SEMA3E: variants seen among roughly 807,000 people sequenced by gnomAD.
SEMA3E encodes the protein semaphorin-3E.
In SEMA3E, 49 loss-of-function variants were observed where a neutral mutation model predicts 93.6. That is an observed-to-expected ratio of 0.52 (90% CI 0.42 to 0.66). The LOEUF (loss-of-function observed/expected upper bound fraction) is 0.66, where lower values mean the gene tolerates loss of function less well. SEMA3E is among the 30% of genes least tolerant of loss of function. The probability of loss-of-function intolerance (pLI) is 0.00; values close to 1 mark genes in which losing one functional copy is unlikely to be tolerated. For missense variants in SEMA3E, 906 were observed against 964.8 expected (o/e 0.94, Z 0.81); for synonymous variants, 363 against 330.7 (o/e 1.10, Z -1.06).
chr7:83,433,639 A>G (rs550562004), intron 4 of SEMA3E, among the ~76,000 whole-genome samples: 3 of 152,274 alleles, frequency 2.0e-5, no homozygotes, highest in Admixed American at 6.5e-5. Context: ...ATATTAGTAC[A>G]TTCTGTGTTC....
At chr7:83,629,972 C>T (rs985984565) in intron 1 of SEMA3E, among the ~76,000 whole-genome samples, 1 of 152,190 alleles carries the variant, frequency 6.6e-6, no homozygotes, top group African/African-American at 2.4e-5. Flanking sequence ...GTGGGAAAAG[C>T]ATAGTATCTG....
chr7:83,382,613 C>T (rs1413764567), intron 16 of SEMA3E, among the ~76,000 whole-genome samples: 1 of 151,604 alleles, frequency 6.6e-6, no homozygotes, highest in African/African-American at 2.4e-5. Context: ...ATAATTGATG[C>T]TATACATAGT....
intron 5 of SEMA3E, among the ~76,000 whole-genome samples, chr7:83,414,314 T>C (rs1225780159): frequency 6.6e-6 from 1 of 151,596 alleles, no homozygotes; most frequent in Admixed American, 6.6e-5. Context: ...TGAATGCAAA[T>C]ATAGTTAATT....
chr7:83,519,994 G>A (rs564142295), intron 1 of SEMA3E, among the ~76,000 whole-genome samples: 1 of 152,160 alleles, frequency 6.6e-6, no homozygotes, highest in South Asian at 2.1e-4. Context: ...TCACATCATA[G>A]ATGCCCTATA....
chr7:83,509,226 T>A (rs1408585444), intron 1 of SEMA3E, among the ~76,000 whole-genome samples: 1 of 152,142 alleles, frequency 6.6e-6, no homozygotes, highest in Non-Finnish European at 1.5e-5. Flanking sequence ...TAACACTAGA[T>A]AAACCTAGGA....
intron 1 of SEMA3E, among the ~76,000 whole-genome samples, chr7:83,632,493 T>C (rs1367988936): frequency 6.6e-6 from 1 of 152,132 alleles, no homozygotes; most frequent in Non-Finnish European, 1.5e-5. Context: ...TGAGATCTGA[T>C]GCTTTTAAAA....
chr7:83,487,470 A>T (rs1366697423), intron 2 of SEMA3E, among the ~76,000 whole-genome samples: 2 of 152,092 alleles, frequency 1.3e-5, no homozygotes, highest in Non-Finnish European at 2.9e-5. Flanking sequence ...TAATATGGGG[A>T]TCAATCTATG....
At chr7:83,407,333 T>A in intron 6 of SEMA3E, 94 bp from the exon 7 acceptor site, 3 of 1,069,048 alleles carry the variant, frequency 2.8e-6, no homozygotes, top group Non-Finnish European at 4.1e-6. Flanking sequence ...TCTGAATCCT[T>A]AAGTTTAACT....
chr7:83,578,387 C>A (rs1472235598), intron 1 of SEMA3E, among the ~76,000 whole-genome samples: 1 of 151,946 alleles, frequency 6.6e-6, no homozygotes, highest in East Asian at 1.9e-4. Flanking sequence ...CGAAACCCAC[C>A]TCTAATAAAA....
intron 1 of SEMA3E, among the ~76,000 whole-genome samples, chr7:83,587,808 C>T (rs1025896501): frequency 1.3e-5 from 2 of 151,456 alleles, no homozygotes; most frequent in Admixed American, 1.3e-4. Flanking sequence ...ATTTCAGTGG[C>T]AAGATATGCA....
intron 1 of SEMA3E, among the ~76,000 whole-genome samples, chr7:83,507,086 C>T (rs1160259911): frequency 6.6e-6 from 1 of 152,174 alleles, no homozygotes; most frequent in African/African-American, 2.4e-5. Context: ...AATTCATTAC[C>T]ATGTAGCTGC....
rs770999723 is a variant in SEMA3E, at chr7:83,389,630, A to ACG, written c.1668-2581_1668-2580insCG. ...ACGTATATATTACATGTATACATAC[A>ACG]CACACATACACGTATATATTACATG... On this transcript the variant is annotated intron_variant, in intron 14 of 16. Transcript: ENST00000643230. Among the ~76,000 whole-genome samples, 3 of 150,924 alleles carry ACG rather than the reference A, an allele frequency of 2.0e-5. No individual in the cohort carries two copies. The South Asian group carries it at 6.4e-4, about 32-fold the overall frequency.
chr7:83,515,831 C>G (rs1790916117), intron 1 of SEMA3E, among the ~76,000 whole-genome samples: 1 of 152,108 alleles, frequency 6.6e-6, no homozygotes, highest in Non-Finnish European at 1.5e-5. Context: ...AGTTCGAGAC[C>G]AGCCTGGCCA....
intron 1 of SEMA3E, among the ~76,000 whole-genome samples, chr7:83,534,987 G>A (rs944010768): frequency 6.6e-5 from 10 of 152,032 alleles, no homozygotes; most frequent in African/African-American, 1.2e-4. Context: ...TCTAATCAAC[G>A]GTCTCCCACT....
intron 16 of SEMA3E, among the ~76,000 whole-genome samples, chr7:83,368,309 AAAGT>A (rs201733953): frequency 0.015 from 2,303 of 152,154 alleles, 65 homozygotes; most frequent in African/African-American, 0.053. Flanking sequence ...TCAATACTGT[AAAGT>A]AAGAGGGTTT....
chr7:83,473,859 C>T (rs577948411), intron 2 of SEMA3E, among the ~76,000 whole-genome samples: 6 of 151,960 alleles, frequency 3.9e-5, no homozygotes, highest in African/African-American at 7.3e-5. Context: ...TTTGGGAGGC[C>T]GAGGCGGGTG....
At chr7:83,616,008 A>G (rs75979760) in intron 1 of SEMA3E, among the ~76,000 whole-genome samples, 6 of 70,100 alleles carry the variant, frequency 8.6e-5, no homozygotes, top group African/African-American at 1.4e-4. Context: ...AAAAAAAAAC[A>G]TTGGTAAATT....
chr7:83,531,491 T>C (rs1314613055), intron 1 of SEMA3E, among the ~76,000 whole-genome samples: 2 of 151,912 alleles, frequency 1.3e-5, no homozygotes, highest in African/African-American at 4.8e-5. Context: ...TAGCTGGGAT[T>C]ACAGGTGCGT....
intron 1 of SEMA3E, among the ~76,000 whole-genome samples, chr7:83,514,616 G>A (rs987820838): frequency 6.6e-6 from 1 of 152,046 alleles, no homozygotes; most frequent in South Asian, 2.1e-4. Context: ...TATTTTATAA[G>A]CTAGTAGAAT....
Sources: gnomAD v4.1 joint callset for allele counts (sites outside exome capture counted in the v4.1 genomes callset) on GRCh38, gnomAD v4.1.1 for gene constraint, MANE v1.5 for transcripts, NCBI Gene and HGNC (gene_info 2026-07-23, HGNC 2026-07-21) for gene names.